Variants in RNF135 observed in about 807,000 individuals in gnomAD.
RNF135 encodes E3 ubiquitin-protein ligase RNF135.
RNF135 carries 46 observed loss-of-function variants against 41.9 expected under a neutral mutation model. That is an observed-to-expected ratio of 1.10 (90% confidence interval 0.87 to 1.40). The LOEUF is 1.40. Ranked by LOEUF, RNF135 falls within the 40% of genes most tolerant of loss-of-function variation. The pLI is 0.00. For missense variants in RNF135, 539 were observed against 549.8 expected (o/e 0.98, Z 0.20); for synonymous variants, 238 against 223.8 (o/e 1.06, Z -0.57).
At chr17:30,961,079 C>G in the RNF135 span, among the ~76,000 whole-genome samples, 1 of 152,132 alleles carries the variant, frequency 6.6e-6, no homozygotes, top group South Asian at 2.1e-4. Flanking sequence ...GCACATGATA[C>G]CTTTGAGATT....
In RNF135 at chr17:30,971,307, G is replaced by A; in HGVS notation, c.234G>A (p.Leu78=). ...CGCACCTGCGGAAGAACACGCTACT[G>A]CAGGACCTGGCCGACAAGTACCGCC... The part of the protein sequence containing the change: ...QQPHLRKNTL[L]QDLADKYRRA... Residue 78 remains leucine (L), a synonymous_variant, in exon 1 of 5, where the codon CTG becomes CTA. Transcript: ENST00000328381. 7.2e-6 allele frequency: 11 copies of A among 1,533,618 alleles called. No homozygotes were observed. Among genetic ancestry groups the A allele is most frequent in the Non-Finnish European group, 9.6e-6 (11 of 1,143,504 alleles).
In RNF135 at chr17:30,998,721, G is replaced by A. The variant is rs1190450061; in HGVS notation, c.829G>A (p.Asp277Asn). 6.2e-7 allele frequency: 1 copy of A among 1,613,772 alleles called. No homozygotes were observed. The highest frequency in any genetic ancestry group is 1.1e-5 in the South Asian group (1 of 91,002). ...TTCCTGCAGCCTGGAGGTGTCCAAG[G>A]ATTCCCGTACAGTGACTGTGTCTCA... is the stretch of plus-strand genomic sequence containing the variant. The part of the protein sequence containing the change: ...SLSCSLEVSK[D>N]SRTVTVSHRP... Residue 277 changes from aspartate to asparagine, a missense_variant, in exon 5 of 5, where the codon GAT (aspartate) becomes AAT (asparagine). By Grantham distance (23) the Asp-to-Asn change is conservative (BLOSUM62 1). Transcript: ENST00000328381.
At chr17:30,971,480 C>T (rs758569446) in intron 1 of RNF135, 35 bp downstream of exon 1, 8 of 1,458,118 alleles carry the variant, frequency 5.5e-6, no homozygotes, top group South Asian at 1.4e-5. Context: ...CCCTGGCTCC[C>T]CCGGGCTGCC....
chr17:30,986,225 T>A (rs1473395978), intron 2 of RNF135, among the ~76,000 whole-genome samples: 1 of 152,002 alleles, frequency 6.6e-6, no homozygotes, highest in African/African-American at 2.4e-5. Flanking sequence ...CTTTTTTTTT[T>A]TTTGAGACAG....
intron 1 of RNF135, among the ~76,000 whole-genome samples, chr17:30,977,756 A>T (rs1232538178): frequency 6.6e-6 from 1 of 152,088 alleles, no homozygotes; most frequent in African/African-American, 2.4e-5. Flanking sequence ...TTTAGCAGAG[A>T]CGGGGTTTCA....
the RNF135 span, chr17:30,959,282 G>C: frequency 6.6e-6 from 1 of 152,150 alleles, no homozygotes; most frequent in African/African-American, 2.4e-5. Context: ...TCTAAGGGTG[G>C]GAAAGAACAG....
intron 3 of RNF135, among the ~76,000 whole-genome samples, chr17:30,992,956 C>G (rs978920725): frequency 6.6e-6 from 1 of 151,734 alleles, no homozygotes; most frequent in South Asian, 2.1e-4. Flanking sequence ...ACATTTAAAT[C>G]TTTGGTTTCA....
the RNF135 span, among the ~76,000 whole-genome samples, chr17:30,960,092 G>A: frequency 2.6e-5 from 4 of 151,632 alleles, no homozygotes; most frequent in Non-Finnish European, 5.9e-5. Flanking sequence ...TATATATATG[G>A]CTATAGAAAG....
At chr17:30,984,576 A>C (rs1373853203) in intron 1 of RNF135, 41 bp from the exon 2 acceptor site, 2 of 1,611,464 alleles carry the variant, frequency 1.2e-6, no homozygotes, top group South Asian at 2.2e-5. Context: ...TCCTGGGTCC[A>C]GTTTTATAGA....
chr17:30,975,280 G>T, intron 1 of RNF135: 1 of 573,702 alleles, frequency 1.7e-6, no homozygotes, highest in Admixed American at 3.0e-5. Context: ...CTGTTTTCAT[G>T]TCACTGCACT....
At position 30,987,987 on chromosome 17, in the gene RNF135, T is replaced by C; in HGVS notation, c.560T>C (p.Leu187Pro). The C allele has an allele frequency of 1.2e-6, 2 of 1,614,198 alleles. No individual in the cohort carries two copies. The highest frequency in any genetic ancestry group is 8.5e-7 in the Non-Finnish European group (1 of 1,180,024). Reference sequence around the variant, plus strand: ...GATCTTTCCATGGCTTCTCCAAAGCTGGTGACTTCCGACACAGCTGCAGGG... The same window carrying C: ...GATCTTTCCATGGCTTCTCCAAAGCCGGTGACTTCCGACACAGCTGCAGGG... ...GVDLSMASPKLVTSDTAAGKI... is the reference protein window; with the variant it reads ...GVDLSMASPKPVTSDTAAGKI... Residue 187 changes from leucine (L) to proline (P), a missense_variant, in exon 3 of 5, where the codon CTG (leucine) becomes CCG (proline). Physicochemically the swap from Leu to Pro is moderately conservative, Grantham distance 98 (BLOSUM62 -3). Transcript: ENST00000328381.
intron 3 of RNF135, among the ~76,000 whole-genome samples, chr17:30,995,847 G>A (rs986848273): frequency 2.3e-4 from 35 of 151,194 alleles, no homozygotes; most frequent in African/African-American, 7.8e-4. Flanking sequence ...TCTGCCTCCC[G>A]GGTTCAAGCA....
intron 1 of RNF135, chr17:30,975,759 G>A (rs905866813): frequency 5.1e-5 from 60 of 1,182,382 alleles, no homozygotes; most frequent in African/African-American, 7.5e-5. Context: ...ATGGGTCATC[G>A]GGTACCCTCT....
the RNF135 span, among the ~76,000 whole-genome samples, chr17:30,961,391 G>A: frequency 6.6e-6 from 1 of 152,122 alleles, no homozygotes. Flanking sequence ...ATCTGCAGTA[G>A]GGAATTTCCC....
the RNF135 span, among the ~76,000 whole-genome samples, chr17:30,965,942 A>T: frequency 6.6e-6 from 1 of 152,222 alleles, no homozygotes; most frequent in Non-Finnish European, 1.5e-5. Flanking sequence ...CTTAGATTCT[A>T]CAATAGTGAT....
intron 3 of RNF135, among the ~76,000 whole-genome samples, chr17:30,992,264 C>G (rs1431776167): frequency 6.6e-6 from 1 of 151,846 alleles, no homozygotes; most frequent in African/African-American, 2.4e-5. Context: ...GATGAAATCT[C>G]ACTGTTTTGC....
chr17:30,980,467 C>G (rs1288926691), intron 1 of RNF135, among the ~76,000 whole-genome samples: 2 of 138,668 alleles, frequency 1.4e-5, no homozygotes, highest in African/African-American at 5.4e-5. Context: ...GAGCCCCTCA[C>G]CTCCCGGACG....
At chr17:30,966,024 G>T (rs1905536485), upstream of RNF135, among the ~76,000 whole-genome samples, 1 of 152,186 alleles carries the variant, frequency 6.6e-6, no homozygotes, top group African/African-American at 2.4e-5. Flanking sequence ...GAAGGTAAGG[G>T]ATTATAGAAA....
chr17:30,986,269 TCATTGCAA>T (rs1907580157), intron 2 of RNF135, among the ~76,000 whole-genome samples: 1 of 151,712 alleles, frequency 6.6e-6, no homozygotes, highest in Non-Finnish European at 1.5e-5. Context: ...TGATCTCAGC[TCATTGCAA>T]CCTCCGCCTC....
Sources: allele counts gnomAD v4.1 joint callset (sites outside exome capture counted in the v4.1 genomes callset), GRCh38; gene constraint gnomAD v4.1.1; transcripts MANE v1.5; gene names NCBI Gene and HGNC (gene_info 2026-07-23, HGNC 2026-07-21).